The following GDPD1 variants were observed in gnomAD, a reference collection of about 807,000 sequenced individuals.
GDPD1 encodes glycerophosphodiester phosphodiesterase domain containing 1, also known as lysophospholipase D GDPD1.
A neutral mutation model predicts 45.1 loss-of-function variants in GDPD1; 28 were observed. The observed-to-expected ratio is 0.62, with a 90% CI of 0.46 to 0.85. The LOEUF (loss-of-function observed/expected upper bound fraction) is 0.85, where lower values mean the gene tolerates loss of function less well. GDPD1 is among the 40% of genes least tolerant of loss of function. GDPD1 has a pLI of 0.00. For missense variants in GDPD1, 256 were observed against 364.8 expected, an observed-to-expected ratio of 0.70 and a Z score of 2.43; for synonymous variants, 139 against 131.4, an observed-to-expected ratio of 1.06 and a Z score of -0.40.
intron 4 of GDPD1, among the ~76,000 whole-genome samples, chr17:59,250,199 C>T (rs986571462): frequency 7.9e-5 from 12 of 152,078 alleles, no homozygotes; most frequent in African/African-American, 1.9e-4. Context: ...GTAACTTATA[C>T]GATTATACTT....
intron 4 of GDPD1, among the ~76,000 whole-genome samples, chr17:59,254,059 T>TA (rs11284499): frequency 1.8e-3 from 216 of 123,332 alleles, no homozygotes; most frequent in Middle Eastern, 4.2e-3. Flanking sequence ...CATCTCTACT[T>TA]AAAAAAAAAA....
rs766864011 is a variant in GDPD1, at chr17:59,267,075, G to A, written c.611G>A (p.Arg204His). The A allele has an allele frequency of 5.0e-6, 8 of 1,612,630 alleles. No individual in the cohort carries two copies. The highest frequency in any genetic ancestry group is 1.6e-4 in the Middle Eastern group (1 of 6,080). ...SDIPILFSLQ[R>H]VLLILGLFFT... ...ATTCCTATACTCTTCAGTCTACAACGTGTCCTGCTCATTCTTGGCCTTTTC... is the reference window on the plus strand; with the variant it reads ...ATTCCTATACTCTTCAGTCTACAACATGTCCTGCTCATTCTTGGCCTTTTC... Residue 204 changes from arginine (R) to histidine (H), a missense_variant, in exon 7 of 10, where the codon CGT becomes CAT. Coordinates refer to ENST00000284116, the MANE Select transcript of GDPD1 (RefSeq NM_182569.4).
rs140871677 is a variant in GDPD1, at chr17:59,220,735, C to T, written c.126C>T (p.His42=). The change falls in exon 1 of 10, where the codon CAC becomes CAT. Residue 42 remains histidine (H), a synonymous_variant. Transcript: ENST00000284116. ...QRKKQRFLSK[H]ISHRGGAGEN... is the part of the protein sequence containing the mutation. The stretch of plus-strand genomic sequence containing the variant: ...AGAAGCAGCGATTCCTCAGTAAACA[C>T]ATCTCTCACCGCGGAGGTGAGAGGG... 4.4e-5 allele frequency: 71 copies of T among 1,613,638 alleles called. No homozygotes were observed. In the African/African-American group the frequency reaches 9.1e-4, roughly 21 times the overall value.
rs574047425 is a variant in GDPD1, at chr17:59,251,803, C to G, written c.367+3018C>G. Among the ~76,000 whole-genome samples the G allele has an allele frequency of 4.0e-4, 58 of 145,960 alleles. 2 individuals are homozygous for G. In the South Asian group the frequency reaches 0.012, roughly 31 times the overall value. On this transcript the variant is annotated intron_variant, in intron 4 of 9. Transcript: ENST00000284116. ...GGAGGATCACTTGATCCCAGGGGTT[C>G]GAGACCAGCCTGGGCCACATACAGA...
chr17:59,273,834 T>A lies in GDPD1; in HGVS notation c.*61T>A, dbSNP rs1310677949. ...GAAGACCTAAGAAAAAAATATTTCA[T>A]GATCATTTCCCTAAGCCATTTCCAG... On this transcript the variant is annotated 3_prime_UTR_variant, in exon 10 of 10. Coordinates refer to ENST00000284116, the MANE Select transcript of GDPD1 (RefSeq NM_182569.4). 7 of 1,480,816 alleles carry A rather than the reference T, an allele frequency of 4.7e-6. No individual in the cohort carries two copies. The highest frequency in any genetic ancestry group is 6.3e-6 in the Non-Finnish European group (7 of 1,116,716). 91.7% of individuals were successfully genotyped at this position (1,480,816 alleles called of 1,614,324 possible).
At chr17:59,271,933 C>T (rs900282817) in intron 8 of GDPD1, among the ~76,000 whole-genome samples, 3 of 152,184 alleles carry the variant, frequency 2.0e-5, no homozygotes, top group African/African-American at 7.2e-5. Flanking sequence ...CCGCGCCCAG[C>T]CTTAACGCCT....
intron 7 of GDPD1, among the ~76,000 whole-genome samples, chr17:59,269,246 G>A (rs867639108): frequency 1.3e-5 from 2 of 151,640 alleles, no homozygotes; most frequent in African/African-American, 4.8e-5. Context: ...GCAGTGAGTC[G>A]AGATGGCTGC....
At chr17:59,268,867 C>T (rs543222376) in intron 7 of GDPD1, among the ~76,000 whole-genome samples, 1 of 152,140 alleles carries the variant, frequency 6.6e-6, no homozygotes, top group South Asian at 2.1e-4. Flanking sequence ...CATGGTGAAA[C>T]CCCATCTCTA....
chr17:59,255,615 C>T (rs980974082), intron 4 of GDPD1, among the ~76,000 whole-genome samples: 8 of 147,650 alleles, frequency 5.4e-5, no homozygotes, highest in African/African-American at 1.5e-4. Context: ...TGGTGCCGGG[C>T]GCCTGTAATC....
chr17:59,245,949 C>A (rs1240128343), intron 3 of GDPD1, among the ~76,000 whole-genome samples: 1 of 151,792 alleles, frequency 6.6e-6, no homozygotes, highest in Non-Finnish European at 1.5e-5. Context: ...GGTGAAACCC[C>A]ATCTCTACTA....
At chr17:59,260,261 G>T (rs1376286368) in intron 6 of GDPD1, among the ~76,000 whole-genome samples, 1 of 151,522 alleles carries the variant, frequency 6.6e-6, no homozygotes, top group Non-Finnish European at 1.5e-5. Flanking sequence ...AAATATGTCG[G>T]CCAGGCACAG....
chr17:59,245,312 AT>A (rs2047201992), intron 2 of GDPD1, 101 bp from the exon 3 acceptor site: 4 of 785,978 alleles, frequency 5.1e-6, no homozygotes, highest in African/African-American at 1.7e-5. Context: ...ATATTTTAGT[AT>A]TATGGGATTT....
At chr17:59,268,917 G>T (rs957866923) in intron 7 of GDPD1, among the ~76,000 whole-genome samples, 1 of 151,558 alleles carries the variant, frequency 6.6e-6, no homozygotes, top group South Asian at 2.1e-4. Context: ...CTGAACACGG[G>T]GGGCAGAAGT....
At chr17:59,246,317 T>G (rs1382477218) in intron 3 of GDPD1, among the ~76,000 whole-genome samples, 2 of 151,676 alleles carry the variant, frequency 1.3e-5, no homozygotes, top group African/African-American at 4.8e-5. Context: ...TTAGACACTT[T>G]AAAATTATAA....
chr17:59,257,499 G>A (rs896680963), intron 5 of GDPD1, among the ~76,000 whole-genome samples: 7 of 152,106 alleles, frequency 4.6e-5, no homozygotes, highest in Non-Finnish European at 1.0e-4. Flanking sequence ...TTATCTTCTA[G>A]TTTAACTTGT....
chr17:59,272,780 T>C lies in GDPD1; in HGVS notation c.771-5T>C. 6.3e-7 allele frequency: 1 copy of C among 1,591,104 alleles called. No individual in the cohort carries two copies. ...CCTAAATCAGTTTTGCTTTTTCTTT[T>C]CTAGCTTACTAATGAGGAAAGCTTT... On this transcript the variant is annotated splice_polypyrimidine_tract_variant and splice_region_variant and intron_variant, in intron 8 of 9. Transcript: ENST00000284116.
At position 59,274,212 on chromosome 17, in the gene GDPD1, T is replaced by C. The variant is rs2047463772; in HGVS notation, c.*439T>C. Reference sequence around the variant, plus strand: ...TAAGTAATTCTGGAATCAAAGACTATTGGATACATTTGGCATTGGGCTGAG... The same window carrying C: ...TAAGTAATTCTGGAATCAAAGACTACTGGATACATTTGGCATTGGGCTGAG... On this transcript the variant is annotated 3_prime_UTR_variant, in exon 10 of 10. Transcript: ENST00000284116. 2.1e-6 allele frequency: 2 copies of C among 966,670 alleles called. No individual in the cohort carries two copies. The highest frequency in any genetic ancestry group is 6.2e-5 in the Admixed American group (1 of 16,080). The allele number at this position is 966,670 out of a possible 1,614,324, so 59.9% of individuals were successfully genotyped here.
Position 59,252,315 on chromosome 17 carries a change from T to C in GDPD1, c.367+3530T>C, listed in dbSNP as rs546255491. Among the ~76,000 whole-genome samples, 6 of 151,850 alleles carry C rather than the reference T, an allele frequency of 4.0e-5. No homozygotes were observed. The South Asian group carries it at 1.3e-3, about 32-fold the overall frequency. On this transcript the variant is annotated intron_variant, in intron 4 of 9. Transcript: ENST00000284116. ...GTCCAGTGGCACAATCTCAGCTCAC[T>C]GCAACCTCTGCCTCCCAGGTTCAAG...
At position 59,236,121 on chromosome 17, in the gene GDPD1, T is replaced by C. The variant is rs116804541; in HGVS notation, c.185+1587T>C. Among the ~76,000 whole-genome samples, 471 of 152,300 alleles carry C rather than the reference T, an allele frequency of 3.1e-3. 3 individuals are homozygous for C. The highest frequency in any genetic ancestry group is 0.011 in the African/African-American group (460 of 41,578). On this transcript the variant is annotated intron_variant, in intron 2 of 9. Coordinates refer to ENST00000284116, the MANE Select transcript of GDPD1 (RefSeq NM_182569.4). The stretch of plus-strand genomic sequence containing the variant: ...ATTATTTTATGTTTTTCTCCATATT[T>C]TTTTGTTAAATTTTTACCAACCACC...
Sources: gnomAD v4.1 joint callset for allele counts (sites outside exome capture counted in the v4.1 genomes callset) on GRCh38, gnomAD v4.1.1 for gene constraint, MANE v1.5 for transcripts, NCBI Gene and HGNC (gene_info 2026-07-23, HGNC 2026-07-21) for gene names.